The following DLGAP2 variants were observed in gnomAD, a reference collection of about 807,000 sequenced individuals.
DLGAP2 encodes the protein disks large-associated protein 2.
In DLGAP2, 26 loss-of-function variants were observed where a neutral mutation model predicts 100.3. The ratio of observed to expected loss-of-function variants is 0.26; its 90% CI spans 0.19 to 0.36. DLGAP2 has a LOEUF of 0.36. Among genes scored for constraint, DLGAP2 ranks in the 10% least tolerant of loss-of-function variants. DLGAP2 has a pLI of 1.00. For synonymous variants in DLGAP2, 886 were observed against 630.1 expected (o/e 1.41, Z -6.08); for missense variants, 1,858 against 1,453.2 (o/e 1.28, Z -4.53).
At chr8:1,527,591 C>T (rs552466779) in intron 4 of DLGAP2, among the ~76,000 whole-genome samples, 5 of 152,168 alleles carry the variant, frequency 3.3e-5, no homozygotes, top group South Asian at 2.1e-4. Flanking sequence ...AGAAAAGTTT[C>T]TATTTTTCCT....
chr8:1,190,577 G>A (rs540829163), intron 2 of DLGAP2, among the ~76,000 whole-genome samples: 2 of 152,256 alleles, frequency 1.3e-5, no homozygotes, highest in South Asian at 2.1e-4. Context: ...GGCACTGCGA[G>A]CCGCCTGTCG....
intron 1 of DLGAP2, among the ~76,000 whole-genome samples, chr8:828,589 A>G (rs1339593705): frequency 6.6e-6 from 1 of 152,192 alleles, no homozygotes; most frequent in African/African-American, 2.4e-5. Context: ...TGTGCAGTTA[A>G]TGCAATTATT....
At chr8:771,822 A>G (rs1291761586) in intron 1 of DLGAP2, among the ~76,000 whole-genome samples, 1 of 152,242 alleles carries the variant, frequency 6.6e-6, no homozygotes, top group Non-Finnish European at 1.5e-5. Flanking sequence ...AGAATAAACA[A>G]TGGAAAGGGC....
At chr8:1,062,089 A>G (rs761570272) in intron 2 of DLGAP2, among the ~76,000 whole-genome samples, 2 of 151,070 alleles carry the variant, frequency 1.3e-5, no homozygotes, top group Non-Finnish European at 2.9e-5. Context: ...TCTGTAATTG[A>G]TATCCTGGAG....
intron 3 of DLGAP2, among the ~76,000 whole-genome samples, chr8:1,499,394 T>G (rs149211611): frequency 1.3e-5 from 2 of 152,326 alleles, no homozygotes; most frequent in South Asian, 2.1e-4. Flanking sequence ...GCCCATTGTT[T>G]TAGTTCATCC....
chr8:983,765 C>G (rs1385409060), intron 2 of DLGAP2, among the ~76,000 whole-genome samples: 1 of 152,166 alleles, frequency 6.6e-6, no homozygotes, highest in East Asian at 1.9e-4. Context: ...ACCGCAGCCT[C>G]CCGAGTAGCT....
rs1160625195 is a variant in DLGAP2, at chr8:967,816, C to CTTTATATATATATA, written c.73+59851_73+59852insTTATATATATATAT. On this transcript the variant is annotated intron_variant, in intron 2 of 14. Transcript: ENST00000637795. The stretch of plus-strand genomic sequence containing the variant: ...ATATACACCTCTTTGTTGAACACCA[C>CTTTATATATATATA]TATATATATATATATATATATATAT... 1.9e-3 allele frequency among the ~76,000 whole-genome samples: 5 copies of CTTTATATATATATA among 2,582 alleles called. 2 individuals carry two copies. Among genetic ancestry groups the CTTTATATATATATA allele is most frequent in the African/African-American group, 2.7e-3 (5 of 1,864 alleles). 1.7% of individuals were successfully genotyped at this position (2,582 alleles called of 152,430 possible).
At chr8:1,608,890 T>G (rs1474621733) in intron 6 of DLGAP2, among the ~76,000 whole-genome samples, 1 of 151,560 alleles carries the variant, frequency 6.6e-6, no homozygotes, top group African/African-American at 2.4e-5. Context: ...TGGGACTATG[T>G]GAAAAGACCA....
At chr8:1,607,559 T>C (rs983162599) in intron 6 of DLGAP2, among the ~76,000 whole-genome samples, 1 of 152,250 alleles carries the variant, frequency 6.6e-6, no homozygotes, top group African/African-American at 2.4e-5. Flanking sequence ...AAATATATCC[T>C]TTAGAAAATT....
At chr8:1,587,631 C>G (rs1347880375) in intron 6 of DLGAP2, among the ~76,000 whole-genome samples, 4 of 151,508 alleles carry the variant, frequency 2.6e-5, no homozygotes, top group Admixed American at 1.3e-4. Flanking sequence ...TTGATTTCCA[C>G]TTTGACTCAA....
intron 3 of DLGAP2, among the ~76,000 whole-genome samples, chr8:1,449,270 G>T (rs897370535): frequency 6.6e-6 from 1 of 152,194 alleles, no homozygotes; most frequent in Admixed American, 6.5e-5. Context: ...TGGTGATTCC[G>T]GGGTAATTGT....
At chr8:1,453,138 C>A (rs984770082) in intron 3 of DLGAP2, among the ~76,000 whole-genome samples, 3 of 151,676 alleles carry the variant, frequency 2.0e-5, no homozygotes, top group African/African-American at 7.3e-5. Flanking sequence ...GGAAGGGGAA[C>A]GTCGCAGGTA....
rs141547472 is a variant in DLGAP2, at chr8:1,244,370, G to A, written c.74-14481G>A. ...TATTGGCTGAGCACATGTGTTAAACGCTGTATGAACATAGGGATATGAGCT... is the reference window on the plus strand; with the variant it reads ...TATTGGCTGAGCACATGTGTTAAACACTGTATGAACATAGGGATATGAGCT... On this transcript the variant is annotated intron_variant, in intron 2 of 14. Coordinates refer to ENST00000637795, the MANE Select transcript of DLGAP2 (RefSeq NM_001346810.2). Among the ~76,000 whole-genome samples, 14 of 152,302 alleles carry A rather than the reference G, an allele frequency of 9.2e-5. No homozygotes were observed. The East Asian group carries it at 2.3e-3, about 25-fold the overall frequency.
intron 6 of DLGAP2, among the ~76,000 whole-genome samples, chr8:1,619,145 A>G (rs1419737667): frequency 2.6e-5 from 4 of 152,240 alleles, no homozygotes; most frequent in Admixed American, 2.6e-4. Flanking sequence ...ACTCCTACAA[A>G]ACAAGAACGT....
chr8:1,705,549 T>G lies in DLGAP2; in HGVS notation c.*4143T>G, dbSNP rs1177712913. The stretch of plus-strand genomic sequence containing the variant: ...ATAAAAGCATTGTCCAAAACAGCGC[T>G]GGTTCGGGGAGGGCCCCTGGATACT... On this transcript the variant is annotated 3_prime_UTR_variant, in exon 15 of 15. Transcript: ENST00000637795. 3 of 152,376 alleles carry G rather than the reference T, an allele frequency of 2.0e-5. No homozygotes were observed. In the East Asian group the frequency reaches 5.8e-4, roughly 29 times the overall value. The allele number at this position is 152,376 out of a possible 1,614,324, so 9.4% of individuals were successfully genotyped here. A position where few individuals can be genotyped will look rare whatever the true frequency, so the allele number is the denominator to read the frequency against.
chr8:1,233,333 C>T (rs1007581575), intron 2 of DLGAP2, among the ~76,000 whole-genome samples: 1 of 152,210 alleles, frequency 6.6e-6, no homozygotes, highest in African/African-American at 2.4e-5. Context: ...AGAGATGAGT[C>T]AGGCCTGGCC....
At chr8:750,891 T>C (rs1820772465) in intron 1 of DLGAP2, among the ~76,000 whole-genome samples, 1 of 152,250 alleles carries the variant, frequency 6.6e-6, no homozygotes, top group African/African-American at 2.4e-5. Flanking sequence ...AGTCCAAAAA[T>C]AGACCTGTTC....
chr8:892,166 C>T (rs940013341), intron 1 of DLGAP2, among the ~76,000 whole-genome samples: 26 of 152,126 alleles, frequency 1.7e-4, no homozygotes, highest in Non-Finnish European at 2.5e-4. Context: ...AAACTCGAGA[C>T]GGAACCACCT....
chr8:1,030,956 C>T (rs533182629), intron 2 of DLGAP2, among the ~76,000 whole-genome samples: 33 of 152,276 alleles, frequency 2.2e-4, no homozygotes, highest in Admixed American at 7.2e-4. Flanking sequence ...AGATCCACAC[C>T]GACTTCCCGG....
Sources: gnomAD v4.1 joint callset for allele counts (sites outside exome capture counted in the v4.1 genomes callset) on GRCh38, gnomAD v4.1.1 for gene constraint, MANE v1.5 for transcripts, NCBI Gene and HGNC (gene_info 2026-07-23, HGNC 2026-07-21) for gene names.